HHIPL1: variants seen among roughly 807,000 people sequenced by gnomAD.
The protein encoded by HHIPL1 is HHIP-like protein 1.
A neutral mutation model predicts 61.8 loss-of-function variants in HHIPL1; 43 were observed. The observed-to-expected ratio is 0.70, with a 90% CI of 0.55 to 0.90. The LOEUF is 0.90. Among genes scored for constraint, HHIPL1 ranks in the 40% least tolerant of loss-of-function variants. The pLI is 0.00. For missense variants in HHIPL1, 1,056 were observed against 1,157.7 expected (o/e 0.91, Z 1.28); for synonymous variants, 482 against 515.8 (o/e 0.93, Z 0.89).
chr14:99,647,460 G>A (rs926732484), intron 1 of HHIPL1, among the ~76,000 whole-genome samples: 1 of 152,216 alleles, frequency 6.6e-6, no homozygotes, highest in Non-Finnish European at 1.5e-5. Flanking sequence ...GGTGGATGGA[G>A]GAAGGGAAGG....
At position 99,668,192 on chromosome 14, in the gene HHIPL1, G is replaced by A. The variant is rs775717723; in HGVS notation, c.1649-30G>A. 8.6e-6 allele frequency: 12 copies of A among 1,393,766 alleles called. No individual in the cohort carries two copies. Among genetic ancestry groups the A allele is most frequent in the Admixed American group, 8.4e-5 (5 of 59,728 alleles). The allele number at this position is 1,393,766 out of a possible 1,614,324, so 86.3% of individuals were successfully genotyped here. A position where few individuals can be genotyped will look rare whatever the true frequency, so the allele number is the denominator to read the frequency against. ...GGCTGGGACGGTATTCCAGGTGGGG[G>A]TCTCACTAGTCACTTTGTTCTGTCC... is the stretch of plus-strand genomic sequence containing the variant. On this transcript the variant is annotated intron_variant, in intron 6 of 8. Coordinates refer to ENST00000330710, the MANE Select transcript of HHIPL1 (RefSeq NM_001127258.3). The surrounding 1 kb of genome is among the most constrained non-coding windows in gnomAD (Gnocchi z 4.7).
chr14:99,626,618 T>C, the HHIPL1 span, among the ~76,000 whole-genome samples: 821 of 152,316 alleles, frequency 5.4e-3, 10 homozygotes, highest in African/African-American at 0.019. Context: ...GATGGCTCTG[T>C]AGACACAGGC....
In HHIPL1 at chr14:99,660,189, C is replaced by T; in HGVS notation, c.1376-91C>T. On this transcript the variant is annotated intron_variant, in intron 4 of 8. Transcript: ENST00000330710. The surrounding 1 kb of genome is among the most constrained non-coding windows in gnomAD (Gnocchi z 4.9). ...GGCACGCCCCTCCCTCCGTGGCCGC[C>T]CCACCCCCGCGGAATCCCTCCGGAA... 2.0e-6 allele frequency: 3 copies of T among 1,516,360 alleles called. No individual in the cohort carries two copies. Among genetic ancestry groups the T allele is most frequent in the Admixed American group, 1.9e-5 (1 of 53,272 alleles). The allele number at this position is 1,516,360 out of a possible 1,614,324, so 93.9% of individuals were successfully genotyped here.
chr14:99,629,723 G>A, the HHIPL1 span, among the ~76,000 whole-genome samples: 8 of 151,956 alleles, frequency 5.3e-5, no homozygotes, highest in Non-Finnish European at 8.8e-5. Context: ...GGCTGGTCTC[G>A]AACTCTTGAC....
intron 3 of HHIPL1, among the ~76,000 whole-genome samples, chr14:99,657,579 C>T (rs2056069652): frequency 6.6e-6 from 1 of 152,124 alleles, no homozygotes; most frequent in African/African-American, 2.4e-5. Flanking sequence ...ACGTGGGGCT[C>T]CTGTCCCAGG....
chr14:99,652,329 A>G lies in HHIPL1; in HGVS notation c.361A>G (p.Lys121Glu). 1 of 1,614,140 alleles carries G rather than the reference A, an allele frequency of 6.2e-7. No homozygotes were observed. The highest frequency in any genetic ancestry group is 1.7e-5 in the Admixed American group (1 of 60,032). ...GGATTACTGCCTGGACATGTGGCAT[A>G]AGTGCCGGGGGCTGTTCCGTCACCT... The part of the protein sequence containing the change: ...CQDYCLDMWH[K>E]CRGLFRHLST... The change falls in exon 2 of 9, where the codon AAG becomes GAG. Residue 121 changes from lysine (K) to glutamate (E), a missense_variant. Coordinates refer to ENST00000330710, the MANE Select transcript of HHIPL1 (RefSeq NM_001127258.3).
rs948324139 is a variant in HHIPL1 at position 99,645,556 on chromosome 14, G to A, written c.255+94G>A. ...CCCCGCGGGGGCGAGGGCCAAGAGT[G>A]GGCGGCGGACTCGGGAACTCTAAGC... On this transcript the variant is annotated intron_variant, in intron 1 of 8. Transcript: ENST00000330710. 12 of 1,196,292 alleles carry A rather than the reference G, an allele frequency of 1.0e-5. No individual in the cohort carries two copies. In the Admixed American group the frequency reaches 5.3e-4, roughly 52 times the overall value. 74.1% of individuals were successfully genotyped at this position (1,196,292 alleles called of 1,614,324 possible). A position where few individuals can be genotyped will look rare whatever the true frequency, so the allele number is the denominator to read the frequency against.
At chr14:99,650,804 C>G (rs532089999) in intron 1 of HHIPL1, among the ~76,000 whole-genome samples, 1 of 152,266 alleles carries the variant, frequency 6.6e-6, no homozygotes, top group South Asian at 2.1e-4. Context: ...TGGCTTCCCC[C>G]ACGGCCATGG....
At chr14:99,651,593 G>A (rs1220595020) in intron 1 of HHIPL1, among the ~76,000 whole-genome samples, 1 of 152,140 alleles carries the variant, frequency 6.6e-6, no homozygotes, top group Non-Finnish European at 1.5e-5. Context: ...CCTCCCACCA[G>A]GCTCCTCCTC....
the HHIPL1 span, among the ~76,000 whole-genome samples, chr14:99,608,656 C>T: frequency 6.6e-6 from 1 of 152,220 alleles, no homozygotes; most frequent in Non-Finnish European, 1.5e-5. Flanking sequence ...AGCAAGAAGT[C>T]AGGGTCCACT....
the HHIPL1 span, among the ~76,000 whole-genome samples, chr14:99,618,620 T>C: frequency 2.6e-5 from 4 of 152,252 alleles, no homozygotes; most frequent in African/African-American, 9.6e-5. Flanking sequence ...CCCACCCAGC[T>C]GAAAACCTAG....
At chr14:99,629,330 T>C in the HHIPL1 span, among the ~76,000 whole-genome samples, 1 of 152,304 alleles carries the variant, frequency 6.6e-6, no homozygotes. Context: ...CATGAATATG[T>C]ATTTATCTTA....
At chr14:99,654,002 A>C (rs2055983707) in intron 2 of HHIPL1, among the ~76,000 whole-genome samples, 2 of 152,278 alleles carry the variant, frequency 1.3e-5, no homozygotes, top group East Asian at 3.9e-4. Flanking sequence ...CAGCCTGGCC[A>C]ACATGGCGAA....
chr14:99,637,160 AAGAAAGAAAAAG>A, the HHIPL1 span, among the ~76,000 whole-genome samples: 1 of 139,134 alleles, frequency 7.2e-6, no homozygotes, highest in Non-Finnish European at 1.6e-5. Context: ...GAAAGAAAGA[AAGAAAGAAAAAG>A]AAAGAAAGAA....
rs1186208771 is a variant in HHIPL1, at chr14:99,679,405, T to A, written c.*3779T>A. ...TCCAACCTCTAGTCAATAGCCAGGA[T>A]CAGATTCTCAGAGAGGGGCTGCCCT... is the stretch of plus-strand genomic sequence containing the variant. On this transcript the variant is annotated 3_prime_UTR_variant, in exon 9 of 9. Coordinates refer to ENST00000330710, the MANE Select transcript of HHIPL1 (RefSeq NM_001127258.3). 1 of 152,430 alleles carries A rather than the reference T, an allele frequency of 6.6e-6. No individual in the cohort carries two copies. The highest frequency in any genetic ancestry group is 1.5e-5 in the Non-Finnish European group (1 of 68,190). 9.4% of individuals were successfully genotyped at this position (152,430 alleles called of 1,614,324 possible). A position where few individuals can be genotyped will look rare whatever the true frequency, so the allele number is the denominator to read the frequency against.
chr14:99,672,371 C>A lies in HHIPL1; in HGVS notation c.1785C>A (p.Ser595Arg). 1 of 1,551,236 alleles carries A rather than the reference C, an allele frequency of 6.4e-7. No homozygotes were observed. Among genetic ancestry groups the A allele is most frequent in the Non-Finnish European group, 8.7e-7 (1 of 1,146,936 alleles). Residue 595 changes from serine to arginine, a missense_variant, in exon 8 of 9, where the codon AGC becomes AGA. Ser to Arg is a moderately radical substitution (Grantham distance 110, BLOSUM62 -1). Coordinates refer to ENST00000330710, the MANE Select transcript of HHIPL1 (RefSeq NM_001127258.3). Reference sequence around the variant, plus strand: ...AGCCTGCTCAGGTGAAGATCAGAAGCCGTCTCATCCCCTTTGTGCCCAAAG... The same window carrying A: ...AGCCTGCTCAGGTGAAGATCAGAAGACGTCTCATCCCCTTTGTGCCCAAAG... Reference protein sequence around the residue: ...QIQPAQVKIRSRLIPFVPKEK... With the variant: ...QIQPAQVKIRRRLIPFVPKEK...
rs1468739226 is a variant in HHIPL1 at position 99,676,973 on chromosome 14, G to A, written c.*1347G>A. 1 of 152,310 alleles carries A rather than the reference G, an allele frequency of 6.6e-6. No homozygotes were observed. The highest frequency in any genetic ancestry group is 1.5e-5 in the Non-Finnish European group (1 of 68,180). 9.4% of individuals were successfully genotyped at this position (152,310 alleles called of 1,614,324 possible). A position where few individuals can be genotyped will look rare whatever the true frequency, so the allele number is the denominator to read the frequency against. On this transcript the variant is annotated 3_prime_UTR_variant, in exon 9 of 9. Transcript: ENST00000330710. Reference sequence around the variant, plus strand: ...GGTGGGGCACCCAAACCCAACCTATGGGGGGGCTTTGGGAGGGGGTGATGC... The same window carrying A: ...GGTGGGGCACCCAAACCCAACCTATAGGGGGGCTTTGGGAGGGGGTGATGC...
At chr14:99,608,022 C>T in the HHIPL1 span, among the ~76,000 whole-genome samples, 1 of 152,050 alleles carries the variant, frequency 6.6e-6, no homozygotes, top group Admixed American at 6.6e-5. Flanking sequence ...GAGTGGCTTC[C>T]TAGAGGAGGT....
Position 99,679,292 on chromosome 14 carries a change from A to C in HHIPL1, c.*3666A>C, listed in dbSNP as rs1194921256. The stretch of plus-strand genomic sequence containing the variant: ...GCCGCTGAGGGAGCATTCACATGTG[A>C]CTCTGTCCCCAGGGACTCCGATCTT... On this transcript the variant is annotated 3_prime_UTR_variant, in exon 9 of 9. Coordinates refer to ENST00000330710, the MANE Select transcript of HHIPL1 (RefSeq NM_001127258.3). 1.3e-5 allele frequency: 2 copies of C among 151,898 alleles called. No homozygotes were observed. Among genetic ancestry groups the C allele is most frequent in the Non-Finnish European group, 2.9e-5 (2 of 68,022 alleles). 9.4% of individuals were successfully genotyped at this position (151,898 alleles called of 1,614,324 possible).
Sources: allele counts gnomAD v4.1 joint callset (sites outside exome capture counted in the v4.1 genomes callset), GRCh38; gene constraint gnomAD v4.1.1; non-coding constraint Gnocchi (gnomAD v3.1); transcripts MANE v1.5; gene names NCBI Gene and HGNC (gene_info 2026-07-23, HGNC 2026-07-21).